RIMBP2: variants seen among roughly 807,000 people sequenced by gnomAD.
RIMBP2 encodes the protein RIMS binding protein 2.
RIMBP2 carries 48 observed loss-of-function variants against 118.6 expected under a neutral mutation model. The ratio of observed to expected loss-of-function variants is 0.40; its 90% CI spans 0.32 to 0.51. RIMBP2 has a LOEUF of 0.51. RIMBP2 is among the 20% of genes least tolerant of loss of function. The probability of loss-of-function intolerance (pLI) is 0.41; values close to 1 mark genes in which losing one functional copy is unlikely to be tolerated. For synonymous variants in RIMBP2, 762 were observed against 742.9 expected (o/e 1.03, Z -0.42); for missense variants, 1,551 against 1,768.3 (o/e 0.88, Z 2.20).
chr12:130,507,262 T>G (rs569100749), intron 3 of RIMBP2, among the ~76,000 whole-genome samples: 1 of 152,290 alleles, frequency 6.6e-6, no homozygotes, highest in African/African-American at 2.4e-5. Context: ...GCCAATGAGA[T>G]AAACACAGAG....
At position 130,442,641 on chromosome 12, in the gene RIMBP2, C is replaced by G; in HGVS notation, c.711G>C (p.Gln237His). 1 of 1,614,092 alleles carries G rather than the reference C, an allele frequency of 6.2e-7. No individual in the cohort carries two copies. The highest frequency in any genetic ancestry group is 8.5e-7 in the Non-Finnish European group (1 of 1,179,964). Residue 237 changes from glutamine (Q) to histidine (H), a missense_variant, in exon 11 of 23, where the codon CAG (glutamine) becomes CAC (histidine). Physicochemically the swap from Gln to His is conservative, Grantham distance 24 (BLOSUM62 0). Around this residue, in one of 5 missense-constraint regions of RIMBP2, gnomAD observed 265 missense variants for 349.5 expected, o/e 0.76. Coordinates refer to ENST00000690449, the MANE Select transcript of RIMBP2 (RefSeq NM_001393629.1). This position sits in a 1 kb window ranked among gnomAD's most constrained non-coding sequence, Gnocchi z 6.9. ...GFYEGELLDG[Q>H]RGLVPSNFVD... ...CGAAGTTGGAGGGCACCAGACCCCT[C>G]TGGCCATCGAGGAGCTCTCCTGTTG...
At chr12:130,654,947 CTT>C (rs2063362348) in intron 1 of RIMBP2, among the ~76,000 whole-genome samples, 2 of 152,338 alleles carry the variant, frequency 1.3e-5, no homozygotes, top group South Asian at 4.1e-4. Context: ...CAAGAACTCA[CTT>C]ATCACCCAGG....
intron 1 of RIMBP2, chr12:130,633,883 T>C (rs1244772211): frequency 6.6e-6 from 1 of 152,352 alleles, no homozygotes; most frequent in Non-Finnish European, 1.5e-5. Context: ...CCGGTCCCCG[T>C]GGACGCCAGC....
rs1029508377 is a variant in RIMBP2, at chr12:130,396,298, A to T, written c.*1063T>A. ...AGCGTTTTTGAAGACACAATGGGGA[A>T]AGCTTTGTCATTCATTTATAAACCG... On this transcript the variant is annotated 3_prime_UTR_variant, in exon 23 of 23. Transcript: ENST00000690449. 5 of 152,696 alleles carry T rather than the reference A, an allele frequency of 3.3e-5. No individual in the cohort carries two copies. Among genetic ancestry groups the T allele is most frequent in the African/African-American group, 1.2e-4 (5 of 41,480 alleles). The allele number at this position is 152,696 out of a possible 1,614,324, so 9.5% of individuals were successfully genotyped here. A position where few individuals can be genotyped will look rare whatever the true frequency, so the allele number is the denominator to read the frequency against.
intron 4 of RIMBP2, among the ~76,000 whole-genome samples, chr12:130,501,147 C>G (rs1218651615): frequency 6.6e-6 from 1 of 152,174 alleles, no homozygotes; most frequent in Non-Finnish European, 1.5e-5. Flanking sequence ...CACTCCACGT[C>G]CAGTCTATCA....
chr12:130,423,892 T>G (rs10773781), intron 16 of RIMBP2, among the ~76,000 whole-genome samples: 18,079 of 152,076 alleles, frequency 0.12, 1,458 homozygotes, highest in East Asian at 0.33. Flanking sequence ...GTCCTTTAAT[T>G]CAAGCAGCCA....
intron 19 of RIMBP2, among the ~76,000 whole-genome samples, chr12:130,412,124 C>T (rs542924360): frequency 5.3e-5 from 8 of 152,180 alleles, no homozygotes; most frequent in African/African-American, 1.9e-4. Flanking sequence ...GCTGCATTCT[C>T]ACTGGTGCTT....
chr12:130,411,999 G>A (rs2075756903), intron 19 of RIMBP2, among the ~76,000 whole-genome samples: 1 of 151,868 alleles, frequency 6.6e-6, no homozygotes, highest in Admixed American at 6.6e-5. Flanking sequence ...AAAAAGCAGA[G>A]GCTTTTTTTG....
At chr12:130,463,660 C>T (rs1001899778) in intron 6 of RIMBP2, among the ~76,000 whole-genome samples, 7 of 151,998 alleles carry the variant, frequency 4.6e-5, no homozygotes, top group Non-Finnish European at 1.0e-4. Context: ...AACCCAGGGA[C>T]GGTCCAGGCT....
intron 18 of RIMBP2, 91 bp from the exon 19 acceptor site, chr12:130,412,878 A>C (rs775002772): frequency 7.1e-5 from 84 of 1,179,074 alleles, no homozygotes; most frequent in Non-Finnish European, 9.3e-5. Context: ...TGTAGTCGAA[A>C]ATATATTTTA....
At chr12:130,438,265 G>A in intron 12 of RIMBP2, 100 bp downstream of exon 12, 3 of 1,385,508 alleles carry the variant, frequency 2.2e-6, no homozygotes, top group East Asian at 2.4e-5. Flanking sequence ...GATCAGGGCT[G>A]GAAGAGCAGA....
chr12:130,502,703 T>C (rs1362909504), intron 4 of RIMBP2, among the ~76,000 whole-genome samples: 1 of 152,214 alleles, frequency 6.6e-6, no homozygotes, highest in Non-Finnish European at 1.5e-5. Context: ...ATCACACGCA[T>C]TTGACTTTTT....
chr12:130,699,752 A>G (rs1013063221), intron 1 of RIMBP2, among the ~76,000 whole-genome samples: 1 of 152,084 alleles, frequency 6.6e-6, no homozygotes, highest in Admixed American at 6.6e-5. Context: ...TAAAAAATAC[A>G]AAAATTAGTC....
intron 2 of RIMBP2, among the ~76,000 whole-genome samples, chr12:130,548,453 G>C (rs1419240249): frequency 6.6e-6 from 1 of 152,140 alleles, no homozygotes; most frequent in Non-Finnish European, 1.5e-5. Context: ...AGCTTATCAG[G>C]CTACAAAATG....
At chr12:130,546,628 T>C (rs572105781) in intron 2 of RIMBP2, among the ~76,000 whole-genome samples, 2 of 152,288 alleles carry the variant, frequency 1.3e-5, no homozygotes, top group Admixed American at 6.5e-5. Context: ...CTTCAAAGAT[T>C]AGAAAATATG....
At position 130,570,933 on chromosome 12, in the gene RIMBP2, C is replaced by T. The variant is rs115338136; in HGVS notation, c.-216-53016G>A. ...ACAAGTGCTTACTGAAGGCCTGCTACGCATTGGGGGATGTCGCTGGTGCCA... is the reference window on the plus strand; with the variant it reads ...ACAAGTGCTTACTGAAGGCCTGCTATGCATTGGGGGATGTCGCTGGTGCCA... On this transcript the variant is annotated intron_variant, in intron 2 of 22. Transcript: ENST00000690449. Among the ~76,000 whole-genome samples, 660 of 152,218 alleles carry T rather than the reference C, an allele frequency of 4.3e-3. 2 individuals carry two copies. Among genetic ancestry groups the T allele is most frequent in the African/African-American group, 0.015 (637 of 41,528 alleles).
rs943137942 is a variant in RIMBP2 at position 130,469,885 on chromosome 12, G to A, written c.153+808C>T. On this transcript the variant is annotated intron_variant, in intron 6 of 22. Transcript: ENST00000690449. The surrounding 1 kb of genome is among the most constrained non-coding windows in gnomAD (Gnocchi z 4.8). The stretch of plus-strand genomic sequence containing the variant: ...GGGGGTGGTGAATTACACGATCCTT[G>A]ACTTCGGCAGGTGGGGGCCCCAGCT... Among the ~76,000 whole-genome samples the A allele has an allele frequency of 5.3e-5, 8 of 152,172 alleles. No individual in the cohort carries two copies.
intron 2 of RIMBP2, among the ~76,000 whole-genome samples, chr12:130,539,245 A>G (rs2054345426): frequency 6.6e-6 from 1 of 152,242 alleles, no homozygotes; most frequent in South Asian, 2.1e-4. Flanking sequence ...CATGTATTAT[A>G]TAACAGTGTC....
At chr12:130,547,249 C>T (rs1200012134) in intron 2 of RIMBP2, among the ~76,000 whole-genome samples, 2 of 152,156 alleles carry the variant, frequency 1.3e-5, no homozygotes, top group Non-Finnish European at 2.9e-5. Flanking sequence ...TGTGCATACG[C>T]TCACACAGAA....
Sources: allele counts gnomAD v4.1 joint callset (sites outside exome capture counted in the v4.1 genomes callset), GRCh38; gene constraint gnomAD v4.1.1; regional missense constraint gnomAD v4.1.1; non-coding constraint Gnocchi (gnomAD v3.1); transcripts MANE v1.5; gene names NCBI Gene and HGNC (gene_info 2026-07-23, HGNC 2026-07-21).